Variants in PLPP1 observed in about 807,000 individuals in gnomAD.
PLPP1 encodes lipid phosphate phosphohydrolase 1a.
A neutral mutation model predicts 31.2 loss-of-function variants in PLPP1; 24 were observed. The observed-to-expected ratio is 0.77, with a 90% CI of 0.56 to 1.08. The LOEUF is 1.08. Among genes scored for constraint, PLPP1 ranks in the 50% least tolerant of loss-of-function variants. PLPP1 has a pLI of 0.00. For synonymous variants in PLPP1, 146 were observed against 126.3 expected, an observed-to-expected ratio of 1.16 and a Z score of -1.05; for missense variants, 319 against 342.7, an observed-to-expected ratio of 0.93 and a Z score of 0.55.
chr5:55,443,192 A>AATATATAT lies in PLPP1; in HGVS notation c.492-1292_492-1285dup, dbSNP rs1159178740. ...AAGGATTACTTAAAAAAAAAAAAAA[A>AATATATAT]ATATATATATATATATATATACACA... is the stretch of plus-strand genomic sequence containing the variant. On this transcript the variant is annotated intron_variant, in intron 3 of 5. Transcript: ENST00000307259. Among the ~76,000 whole-genome samples, 182 of 25,368 alleles carry AATATATAT rather than the reference A, an allele frequency of 7.2e-3. 3 individuals carry two copies. The highest frequency in any genetic ancestry group is 0.045 in the Middle Eastern group (1 of 22). The allele number at this position is 25,368 out of a possible 152,430, so 16.6% of individuals were successfully genotyped here.
rs781576485 is a variant in PLPP1 at position 55,429,402 on chromosome 5, A to T, written c.550-3363T>A. On this transcript the variant is annotated intron_variant, in intron 4 of 5. Transcript: ENST00000307259. ...CAGGAAACACCTGAGGCAAGTAAGG[A>T]GAGGGAAGCAAGGCAGGGTACCTGG... 6.2e-4 allele frequency among the ~76,000 whole-genome samples: 95 copies of T among 152,124 alleles called. 2 individuals carry two copies. The highest frequency in any genetic ancestry group is 2.4e-4 in the Non-Finnish European group (16 of 68,016).
At chr5:55,451,858 T>C (rs879368799) in intron 3 of PLPP1, among the ~76,000 whole-genome samples, 3 of 152,082 alleles carry the variant, frequency 2.0e-5, no homozygotes, top group East Asian at 1.9e-4. Flanking sequence ...ACTTACCCAA[T>C]AGACAAAGGC....
At position 55,500,868 on chromosome 5, in the gene PLPP1, T is replaced by A. The variant is rs79416617; in HGVS notation, c.59-25418A>T. Among the ~76,000 whole-genome samples, 887 of 152,334 alleles carry A rather than the reference T, an allele frequency of 5.8e-3. 7 individuals are homozygous for A. Among genetic ancestry groups the A allele is most frequent in the African/African-American group, 0.021 (854 of 41,566 alleles). ...GATGCTCTATCACAATAAAAACATT[T>A]TTTGTTTCTTGAAATTATGCCTATA... On this transcript the variant is annotated intron_variant, in intron 1 of 5. Coordinates refer to ENST00000307259, the MANE Select transcript of PLPP1 (RefSeq NM_003711.4).
Position 55,468,091 on chromosome 5 carries a change from A to G in PLPP1, c.269T>C (p.Ile90Thr). The change falls in exon 3 of 6, where the codon ATC (isoleucine) becomes ACC (threonine). Residue 90 changes from isoleucine (I) to threonine (T), a missense_variant. By Grantham distance (89) the Ile-to-Thr change is moderately conservative. Transcript: ENST00000307259. ...AATAGTGGCTATGTAGTTATTCCTG[A>G]TAAAGGAATTTGAGTGCAAAAGGTT... ...YCNLLHSNSFIRNNYIATIYK... is the reference protein window; with the variant it reads ...YCNLLHSNSFTRNNYIATIYK... 6.2e-7 allele frequency: 1 copy of G among 1,612,776 alleles called. No individual in the cohort carries two copies. The highest frequency in any genetic ancestry group is 8.5e-7 in the Non-Finnish European group (1 of 1,179,024).
At chr5:55,490,896 C>T in intron 1 of PLPP1, 5 of 1,508,238 alleles carry the variant, frequency 3.3e-6, no homozygotes, top group Non-Finnish European at 1.8e-6. Flanking sequence ...CCCGCCCCAA[C>T]TCCATGCTTC....
intron 1 of PLPP1, among the ~76,000 whole-genome samples, chr5:55,515,301 A>C (rs1753532260): frequency 6.6e-6 from 1 of 152,218 alleles, no homozygotes; most frequent in African/African-American, 2.4e-5. Flanking sequence ...ATCATAGGAA[A>C]CACAAAAAAC....
At chr5:55,506,434 T>C (rs1343065179) in intron 1 of PLPP1, among the ~76,000 whole-genome samples, 1 of 152,176 alleles carries the variant, frequency 6.6e-6, no homozygotes, top group Non-Finnish European at 1.5e-5. Context: ...AAAGTTTCTC[T>C]TCTTTTCACC....
intron 1 of PLPP1, among the ~76,000 whole-genome samples, chr5:55,522,870 C>G (rs1234129653): frequency 6.6e-6 from 1 of 152,164 alleles, no homozygotes; most frequent in Non-Finnish European, 1.5e-5. Flanking sequence ...AGGCGCCCGC[C>G]ACCACGCCCA....
intron 1 of PLPP1, chr5:55,484,399 C>T (rs1752734126): frequency 6.6e-6 from 1 of 152,062 alleles, no homozygotes; most frequent in African/African-American, 2.4e-5. Context: ...ACCATTTTAA[C>T]AAGTATCAGA....
Position 55,441,839 on chromosome 5 carries a change from C to G in PLPP1, c.549+12G>C, listed in dbSNP as rs368108203. 2.2e-5 allele frequency: 35 copies of G among 1,611,466 alleles called. No individual in the cohort carries two copies. The highest frequency in any genetic ancestry group is 2.9e-5 in the Non-Finnish European group (34 of 1,177,686). ...CACATAACCTAACCGTCAACAGACA[C>G]AAAGTACTTACTGCCACAAACAGCA... On this transcript the variant is annotated intron_variant, in intron 4 of 5. Transcript: ENST00000307259.
intron 3 of PLPP1, among the ~76,000 whole-genome samples, chr5:55,453,581 A>G (rs971449649): frequency 1.3e-5 from 2 of 152,236 alleles, no homozygotes; most frequent in African/African-American, 4.8e-5. Context: ...AGGCAGTCAG[A>G]TTAACTGAGT....
intron 1 of PLPP1, among the ~76,000 whole-genome samples, chr5:55,493,673 G>A (rs1229431821): frequency 6.6e-6 from 1 of 151,974 alleles, no homozygotes; most frequent in Non-Finnish European, 1.5e-5. Flanking sequence ...GGATCACAAG[G>A]TCAGGAGATC....
chr5:55,425,096 A>C lies in PLPP1; in HGVS notation c.*110T>G. The C allele has an allele frequency of 1.5e-6, 2 of 1,377,502 alleles. No individual in the cohort carries two copies. Among genetic ancestry groups the C allele is most frequent in the Admixed American group, 2.3e-5 (1 of 43,972 alleles). The allele number at this position is 1,377,502 out of a possible 1,614,324, so 85.3% of individuals were successfully genotyped here. A position where few individuals can be genotyped will look rare whatever the true frequency, so the allele number is the denominator to read the frequency against. ...TGCATCCAAGAGGCATAGCAGCAGCAGAAGTCTTTAAAGGCTTGTACACCA... is the reference window on the plus strand; with the variant it reads ...TGCATCCAAGAGGCATAGCAGCAGCCGAAGTCTTTAAAGGCTTGTACACCA... On this transcript the variant is annotated 3_prime_UTR_variant, in exon 6 of 6. Transcript: ENST00000307259.
chr5:55,459,546 C>T (rs1752105586), intron 3 of PLPP1, among the ~76,000 whole-genome samples: 1 of 151,976 alleles, frequency 6.6e-6, no homozygotes, highest in Admixed American at 6.6e-5. Context: ...ATGTGGGGGC[C>T]CAGGGGGATG....
At chr5:55,532,466 T>C (rs1414480190) in intron 1 of PLPP1, among the ~76,000 whole-genome samples, 1 of 152,178 alleles carries the variant, frequency 6.6e-6, no homozygotes, top group Non-Finnish European at 1.5e-5. Flanking sequence ...TAGAAATATA[T>C]TTTTTTCTGA....
chr5:55,473,310 T>C lies in PLPP1; in HGVS notation c.210+1989A>G, dbSNP rs139596830. ...ACATTACTGCGTAATTACTCTATAGTTTCCTTCATACAGTTTCATTCAGGC... is the reference window on the plus strand; with the variant it reads ...ACATTACTGCGTAATTACTCTATAGCTTCCTTCATACAGTTTCATTCAGGC... On this transcript the variant is annotated intron_variant, in intron 2 of 5. Coordinates refer to ENST00000307259, the MANE Select transcript of PLPP1 (RefSeq NM_003711.4). 5.3e-5 allele frequency among the ~76,000 whole-genome samples: 8 copies of C among 152,312 alleles called. No homozygotes were observed. In the East Asian group the frequency reaches 1.4e-3, roughly 26 times the overall value.
intron 1 of PLPP1, among the ~76,000 whole-genome samples, chr5:55,528,521 G>A (rs1423973184): frequency 6.6e-6 from 1 of 152,142 alleles, no homozygotes; most frequent in Non-Finnish European, 1.5e-5. Flanking sequence ...CCATCAATAT[G>A]CATTGAATAA....
intron 3 of PLPP1, among the ~76,000 whole-genome samples, chr5:55,443,070 C>T (rs1310800853): frequency 1.3e-5 from 2 of 150,808 alleles, no homozygotes; most frequent in African/African-American, 2.4e-5. Context: ...TTAAGGGAGA[C>T]GTTGGTTCCC....
chr5:55,501,123 G>A (rs1171973454), intron 1 of PLPP1, among the ~76,000 whole-genome samples: 1 of 152,104 alleles, frequency 6.6e-6, no homozygotes, highest in Non-Finnish European at 1.5e-5. Flanking sequence ...GACCAGCCTG[G>A]CCAACATGGC....
Sources: allele counts gnomAD v4.1 joint callset (sites outside exome capture counted in the v4.1 genomes callset), GRCh38; gene constraint gnomAD v4.1.1; transcripts MANE v1.5; gene names NCBI Gene and HGNC (gene_info 2026-07-23, HGNC 2026-07-21).